The following DNMT3A variants were observed in gnomAD, a reference collection of about 807,000 sequenced individuals.
DNMT3A encodes the protein DNA methyltransferase 3 alpha, also known as DNA (cytosine-5)-methyltransferase 3A.
DNMT3A carries 267 observed loss-of-function variants against 117.6 expected under a neutral mutation model. The observed-to-expected ratio is 2.27, with a 90% CI of 2.05 to 2.51. The LOEUF is 2.51. DNMT3A is among the 30% of genes most tolerant of loss of function. The pLI, the probability that DNMT3A is intolerant of heterozygous loss-of-function variation, is 0.00. For missense variants in DNMT3A, 1,029 were observed against 1,260.2 expected (o/e 0.82, Z 2.78); for synonymous variants, 432 against 474.8 (o/e 0.91, Z 1.17).
rs373873045 is a variant in DNMT3A, at chr2:25,236,965, C to A, written c.2449G>T (p.Glu817Ter). ...GCTATCCTGCCATGCTCCAGACACT[C>A]CTGCAGCTCCAGCTTATCATTCACA... ...STVNDKLELQECLEHGRIAKF... is the reference protein window; with the variant it reads ...STVNDKLELQ The change falls in exon 21 of 23, where the codon GAG (glutamate) becomes TAG (stop). Residue 817 changes from glutamate (E) to a stop codon, truncating the protein, a stop_gained. Transcript: ENST00000321117. LOFTEE classifies it high-confidence loss of function. The surrounding 1 kb of genome is among the most constrained non-coding windows in gnomAD (Gnocchi z 4.5). 1.2e-6 allele frequency: 2 copies of A among 1,613,680 alleles called. No homozygotes were observed. The highest frequency in any genetic ancestry group is 1.1e-5 in the South Asian group (1 of 90,928).
chr2:25,240,723 TCC>T lies in DNMT3A; in HGVS notation c.2088_2089del (p.Glu697ValfsTer15). 6.2e-7 allele frequency: 1 copy of T among 1,614,124 alleles called. No homozygotes were observed. The highest frequency in any genetic ancestry group is 8.5e-7 in the Non-Finnish European group (1 of 1,180,014). On this transcript the variant is annotated frameshift_variant, in exon 18 of 23. Transcript: ENST00000321117. LOFTEE classifies it high-confidence loss of function. ...AATCACCAGATCGAATGGGCCCCACTCCTGGATCTGGGAGGATAAAGGCAACG... is the reference window on the plus strand; with the variant it reads ...AATCACCAGATCGAATGGGCCCCACTTGGATCTGGGAGGATAAAGGCAACG...
Position 25,232,097 on chromosome 2 carries a change from CATA to C in DNMT3A, c.*2179_*2181del, listed in dbSNP as rs1018521599. On this transcript the variant is annotated 3_prime_UTR_variant, in exon 23 of 23. Transcript: ENST00000321117. The surrounding 1 kb of genome is among the most constrained non-coding windows in gnomAD (Gnocchi z 4.1). Reference sequence around the variant, plus strand: ...AGCCTGCTTCCCCCACTCCCCACCCCATAATATTTCTTAAACATGACCCTATCT... The same window carrying C: ...AGCCTGCTTCCCCCACTCCCCACCCCATATTTCTTAAACATGACCCTATCT... The C allele has an allele frequency of 1.2e-4, 19 of 152,234 alleles. 1 individual carries two copies. The highest frequency in any genetic ancestry group is 1.1e-3 in the Admixed American group (17 of 15,280). 9.4% of individuals were successfully genotyped at this position (152,234 alleles called of 1,614,324 possible).
At position 25,264,974 on chromosome 2, in the gene DNMT3A, A is replaced by G. The variant is rs140696253; in HGVS notation, c.639+9967T>C. Among the ~76,000 whole-genome samples, 11 of 152,350 alleles carry G rather than the reference A, an allele frequency of 7.2e-5. No homozygotes were observed. In the East Asian group the frequency reaches 1.9e-3, roughly 27 times the overall value. On this transcript the variant is annotated intron_variant, in intron 6 of 22. Transcript: ENST00000321117. Reference sequence around the variant, plus strand: ...GGGTCATCTCATCTATTTCTGTCGCATTATAAACCAGGAAACTAAAATGCC... The same window carrying G: ...GGGTCATCTCATCTATTTCTGTCGCGTTATAAACCAGGAAACTAAAATGCC...
At chr2:25,271,506 CTG>C (rs1273095586) in intron 6 of DNMT3A, among the ~76,000 whole-genome samples, 3 of 152,356 alleles carry the variant, frequency 2.0e-5, no homozygotes, top group Admixed American at 1.3e-4. Context: ...CAGGAGGAGA[CTG>C]TGTGACAGTC....
rs776576716 is a variant in DNMT3A, at chr2:25,234,266, GCCC to G, written c.*10_*12del. On this transcript the variant is annotated 3_prime_UTR_variant, in exon 23 of 23. Coordinates refer to ENST00000321117, the MANE Select transcript of DNMT3A (RefSeq NM_022552.5). This position sits in a 1 kb window ranked among gnomAD's most constrained non-coding sequence, Gnocchi z 4.5. ...TAACTTTGTGTCGCTACCTCAGTTT[GCCC>G]CCATGTCCCTTACACACACGCAAAA... 2 of 1,595,618 alleles carry G rather than the reference GCCC, an allele frequency of 1.3e-6. No individual in the cohort carries two copies. The highest frequency in any genetic ancestry group is 1.7e-6 in the Non-Finnish European group (2 of 1,168,998).
intron 6 of DNMT3A, 91 bp from the exon 7 acceptor site, chr2:25,248,343 C>T (rs1354502402): frequency 4.9e-6 from 7 of 1,415,080 alleles, no homozygotes; most frequent in South Asian, 2.5e-5. Flanking sequence ...TGTCAAAACC[C>T]GGAACAGTGA....
intron 1 of DNMT3A, among the ~76,000 whole-genome samples, chr2:25,331,835 C>A (rs1195519769): frequency 6.6e-6 from 1 of 151,690 alleles, no homozygotes; most frequent in African/African-American, 2.4e-5. Context: ...GGAAATCCCA[C>A]CCGCCCTCAA....
At position 25,274,628 on chromosome 2, in the gene DNMT3A, C is replaced by T. The variant is rs950397031; in HGVS notation, c.639+313G>A. ...CTCCAAGAAGCCTGTCTTGACCACC[C>T]CAACTAAAGCAGGCCTCTGCTATCT... is the stretch of plus-strand genomic sequence containing the variant. On this transcript the variant is annotated intron_variant, in intron 6 of 22. Transcript: ENST00000321117. Among the ~76,000 whole-genome samples, 6 of 152,332 alleles carry T rather than the reference C, an allele frequency of 3.9e-5. No homozygotes were observed. The South Asian group carries it at 8.3e-4, about 21-fold the overall frequency.
intron 1 of DNMT3A, among the ~76,000 whole-genome samples, chr2:25,326,583 T>C (rs747158109): frequency 9.2e-5 from 14 of 152,318 alleles, no homozygotes; most frequent in East Asian, 3.9e-4. Context: ...TGAAGAGGCA[T>C]TGAAGGAGGA....
At position 25,252,045 on chromosome 2, in the gene DNMT3A, G is replaced by T; in HGVS notation, c.640-3793C>A. On this transcript the variant is annotated intron_variant, in intron 6 of 22. Transcript: ENST00000321117. This position sits in a 1 kb window ranked among gnomAD's most constrained non-coding sequence, Gnocchi z 5.5. ...GGCCAGCACTAAGTCAGCATCTCCA[G>T]AACTCGGGCCAGGCCGGGACGCCGC... 2 of 1,042,980 alleles carry T rather than the reference G, an allele frequency of 1.9e-6. No individual in the cohort carries two copies. Among genetic ancestry groups the T allele is most frequent in the Non-Finnish European group, 1.4e-6 (1 of 739,882 alleles). The allele number at this position is 1,042,980 out of a possible 1,614,324, so 64.6% of individuals were successfully genotyped here. A position where few individuals can be genotyped will look rare whatever the true frequency, so the allele number is the denominator to read the frequency against.
chr2:25,297,074 T>C (rs931556143), intron 3 of DNMT3A, among the ~76,000 whole-genome samples: 2 of 152,140 alleles, frequency 1.3e-5, no homozygotes, highest in South Asian at 2.1e-4. Context: ...CCATCTCTCC[T>C]GTGCTCCTGC....
rs144743753 is a variant in DNMT3A, at chr2:25,301,539, G to A, written c.73-1296C>T. The stretch of plus-strand genomic sequence containing the variant: ...CGCCCCTCACATAACACCTGTGCAC[G>A]GCTGGGCCCTGACATGCTTGTCTCC... On this transcript the variant is annotated intron_variant, in intron 2 of 22. Coordinates refer to ENST00000321117, the MANE Select transcript of DNMT3A (RefSeq NM_022552.5). Among the ~76,000 whole-genome samples, 935 of 152,188 alleles carry A rather than the reference G, an allele frequency of 6.1e-3. 3 individuals carry two copies. Among genetic ancestry groups the A allele is most frequent in the Non-Finnish European group, 9.9e-3 (674 of 68,012 alleles).
chr2:25,228,200 T>TAAAAAAAAAAAAAAAA lies in DNMT3A; in HGVS notation c.*6063_*6078dup. The TAAAAAAAAAAAAAAAA allele has an allele frequency of 1.6e-3, 4 of 2,506 alleles. 2 individuals are homozygous for TAAAAAAAAAAAAAAAA. The highest frequency in any genetic ancestry group is 1.4e-3 in the Non-Finnish European group (2 of 1,410). The allele number at this position is 2,506 out of a possible 1,614,324, so 0.2% of individuals were successfully genotyped here. ...TTGTCAATAAATAGAGAAGCAACCC[T>TAAAAAAAAAAAAAAAA]AAAAAAAAAAAAAAAAAAAAAAAAA... On this transcript the variant is annotated 3_prime_UTR_variant, in exon 23 of 23. Coordinates refer to ENST00000321117, the MANE Select transcript of DNMT3A (RefSeq NM_022552.5).
At position 25,233,777 on chromosome 2, in the gene DNMT3A, CCAAAAAAAAAAAACAAAAAA is replaced by C. The variant is rs1213519496; in HGVS notation, c.*482_*501del. On this transcript the variant is annotated 3_prime_UTR_variant, in exon 23 of 23. Transcript: ENST00000321117. The stretch of plus-strand genomic sequence containing the variant: ...AAAGATATATAGTAAAAAAAAAAAC[CCAAAAAAAAAAAACAAAAAA>C]CAAAAAAAAAAACAACCCAATATAT... 1.5e-4 allele frequency: 27 copies of C among 177,842 alleles called. No homozygotes were observed. Among genetic ancestry groups the C allele is most frequent in the Non-Finnish European group, 2.4e-4 (22 of 89,914 alleles). The allele number at this position is 177,842 out of a possible 1,614,324, so 11.0% of individuals were successfully genotyped here.
intron 6 of DNMT3A, among the ~76,000 whole-genome samples, chr2:25,262,548 A>T (rs948263125): frequency 1.3e-5 from 2 of 151,998 alleles, no homozygotes; most frequent in African/African-American, 2.4e-5. Flanking sequence ...CTCCCCTCCA[A>T]CCAGGACCAG....
chr2:25,247,851 C>A lies in DNMT3A; in HGVS notation c.856-102G>T. On this transcript the variant is annotated intron_variant, in intron 7 of 22. Coordinates refer to ENST00000321117, the MANE Select transcript of DNMT3A (RefSeq NM_022552.5). The surrounding 1 kb of genome is among the most constrained non-coding windows in gnomAD (Gnocchi z 5.6). ...AGCCCTGGGCATCTGGGGGGCAGGA[C>A]AGCCAGGAGGGAGCTCCATCTGAAT... 6.5e-7 allele frequency: 1 copy of A among 1,548,158 alleles called. No homozygotes were observed. Among genetic ancestry groups the A allele is most frequent in the Non-Finnish European group, 8.7e-7 (1 of 1,151,120 alleles).
chr2:25,272,464 C>T (rs1267681750), intron 6 of DNMT3A, among the ~76,000 whole-genome samples: 1 of 152,182 alleles, frequency 6.6e-6, no homozygotes, highest in Non-Finnish European at 1.5e-5. Flanking sequence ...GAAAGTTCTT[C>T]CGGTTCCTAA....
chr2:25,246,303 T>G lies in DNMT3A; in HGVS notation c.1286A>C (p.Lys429Thr). The G allele has an allele frequency of 6.2e-7, 1 of 1,604,004 alleles. No homozygotes were observed. The highest frequency in any genetic ancestry group is 8.5e-7 in the Non-Finnish European group (1 of 1,174,414). Residue 429 changes from lysine (K) to threonine (T), a missense_variant, in exon 11 of 23, where the codon AAG becomes ACG. Coordinates refer to ENST00000321117, the MANE Select transcript of DNMT3A (RefSeq NM_022552.5). ...CGTGTACACTTCTTTGTAGGGATTC[T>G]TCTCTTCTGGAGGAGGAAAGCAGGT... ...PKGLEPPEEEKNPYKEVYTDM... is the reference protein window; with the variant it reads ...PKGLEPPEEETNPYKEVYTDM...
Position 25,282,344 on chromosome 2 carries a change from G to C in DNMT3A, c.448+97C>G, listed in dbSNP as rs780725158. On this transcript the variant is annotated intron_variant, in intron 4 of 22. Coordinates refer to ENST00000321117, the MANE Select transcript of DNMT3A (RefSeq NM_022552.5). The surrounding 1 kb of genome is among the most constrained non-coding windows in gnomAD (Gnocchi z 5.2). Reference sequence around the variant, plus strand: ...CAAGCAGACCTTTAGCCACGACCCAGACCATCCTTCCTGGGACCTGCTGGA... The same window carrying C: ...CAAGCAGACCTTTAGCCACGACCCACACCATCCTTCCTGGGACCTGCTGGA... 6 of 1,532,332 alleles carry C rather than the reference G, an allele frequency of 3.9e-6. No homozygotes were observed. Among genetic ancestry groups the C allele is most frequent in the Non-Finnish European group, 2.6e-6 (3 of 1,134,900 alleles). 94.9% of individuals were successfully genotyped at this position (1,532,332 alleles called of 1,614,324 possible). A position where few individuals can be genotyped will look rare whatever the true frequency, so the allele number is the denominator to read the frequency against.
Sources: gnomAD v4.1 joint callset for allele counts (sites outside exome capture counted in the v4.1 genomes callset) on GRCh38, gnomAD v4.1.1 for gene constraint, Gnocchi (gnomAD v3.1) non-coding constraint, MANE v1.5 for transcripts, NCBI Gene and HGNC (gene_info 2026-07-23, HGNC 2026-07-21) for gene names.